The following CNTN4 variants were observed in gnomAD, a reference collection of about 807,000 sequenced individuals.
CNTN4 encodes contactin 4, also known as contactin-4.
In CNTN4, 77 loss-of-function variants were observed where a neutral mutation model predicts 122.5. The observed-to-expected ratio is 0.63, with a 90% CI of 0.52 to 0.76. CNTN4 has a LOEUF of 0.76. Ranked by LOEUF, CNTN4 falls within the 30% of genes least tolerant of loss-of-function variation. The pLI is 0.00. For synonymous variants in CNTN4, 512 were observed against 447.0 expected, an observed-to-expected ratio of 1.15 and a Z score of -1.83; for missense variants, 1,256 against 1,259.1, an observed-to-expected ratio of 1.00 and a Z score of 0.04.
At chr3:2,314,338 C>T (rs1000977520) in intron 2 of CNTN4, among the ~76,000 whole-genome samples, 8 of 151,646 alleles carry the variant, frequency 5.3e-5, no homozygotes, top group Admixed American at 1.3e-4. Context: ...AAGGGAGTTT[C>T]GAAAATAACT....
intron 12 of CNTN4, among the ~76,000 whole-genome samples, chr3:2,922,977 C>T (rs2094442956): frequency 6.6e-6 from 1 of 152,106 alleles, no homozygotes; most frequent in Admixed American, 6.5e-5. Flanking sequence ...ATAAGATATC[C>T]AAAAGATTAT....
intron 3 of CNTN4, among the ~76,000 whole-genome samples, chr3:2,504,900 C>G (rs181901557): frequency 3.9e-5 from 6 of 152,202 alleles, no homozygotes; most frequent in African/African-American, 1.2e-4. Context: ...GGGGACTGTT[C>G]TCTATAAAAG....
chr3:2,396,457 T>C (rs1369407678), intron 3 of CNTN4, among the ~76,000 whole-genome samples: 2 of 152,080 alleles, frequency 1.3e-5, no homozygotes, highest in Non-Finnish European at 2.9e-5. Context: ...CCCAAAGCAG[T>C]CCTCACATTG....
At chr3:2,843,595 C>T (rs549278772) in intron 7 of CNTN4, among the ~76,000 whole-genome samples, 8 of 152,246 alleles carry the variant, frequency 5.3e-5, no homozygotes, top group East Asian at 3.9e-4. Context: ...GGCTCAGTGC[C>T]GTCCTCACAA....
At chr3:2,545,980 C>T (rs1314611638) in intron 3 of CNTN4, among the ~76,000 whole-genome samples, 1 of 152,034 alleles carries the variant, frequency 6.6e-6, no homozygotes, top group African/African-American at 2.4e-5. Flanking sequence ...CATCTCACAC[C>T]ACTCAAAATA....
chr3:2,116,293 A>C (rs186094782), intron 2 of CNTN4, among the ~76,000 whole-genome samples: 1 of 152,264 alleles, frequency 6.6e-6, no homozygotes, highest in African/African-American at 2.4e-5. Flanking sequence ...ACATGTTATG[A>C]ATGTCACTCC....
intron 2 of CNTN4, chr3:2,262,222 A>G (rs904232147): frequency 1.3e-5 from 2 of 152,194 alleles, no homozygotes; most frequent in South Asian, 4.1e-4. Context: ...CTGTATCTCC[A>G]ACTGGACCAA....
At chr3:2,202,555 G>A (rs1235005893) in intron 2 of CNTN4, among the ~76,000 whole-genome samples, 1 of 152,068 alleles carries the variant, frequency 6.6e-6, no homozygotes, top group Non-Finnish European at 1.5e-5. Context: ...AAAGTCTCAA[G>A]GTGATGGATT....
chr3:2,848,386 G>T (rs1329062237), intron 7 of CNTN4, among the ~76,000 whole-genome samples: 1 of 152,210 alleles, frequency 6.6e-6, no homozygotes, highest in African/African-American at 2.4e-5. Context: ...CAAGGGGGTT[G>T]GTTTTGTTTT....
At chr3:2,300,623 G>A (rs1383209338) in intron 2 of CNTN4, among the ~76,000 whole-genome samples, 1 of 137,164 alleles carries the variant, frequency 7.3e-6, no homozygotes, top group Non-Finnish European at 1.5e-5. Flanking sequence ...CCAGGCTGGA[G>A]TGCAGTGGCA....
intron 8 of CNTN4, among the ~76,000 whole-genome samples, chr3:2,871,105 G>A (rs774859016): frequency 5.3e-5 from 8 of 152,118 alleles, no homozygotes; most frequent in Non-Finnish European, 7.3e-5. Context: ...TGAGGATCCC[G>A]AAGCCAAGCA....
intron 12 of CNTN4, among the ~76,000 whole-genome samples, chr3:2,905,314 A>G (rs1304236794): frequency 6.6e-6 from 1 of 152,246 alleles, no homozygotes; most frequent in Non-Finnish European, 1.5e-5. Flanking sequence ...ACAAATGTTT[A>G]TTTCTGATAG....
At chr3:2,462,709 T>C (rs139529673) in intron 3 of CNTN4, among the ~76,000 whole-genome samples, 5 of 152,338 alleles carry the variant, frequency 3.3e-5, no homozygotes, top group Non-Finnish European at 5.9e-5. Flanking sequence ...TTTCCAAGTA[T>C]AATTATCCAT....
chr3:2,371,702 A>G (rs1454700719), intron 3 of CNTN4, among the ~76,000 whole-genome samples: 1 of 152,134 alleles, frequency 6.6e-6, no homozygotes, highest in Non-Finnish European at 1.5e-5. Context: ...TTTTCATGTA[A>G]CATATATTTT....
At chr3:2,730,191 C>T (rs2149453326) in intron 4 of CNTN4, among the ~76,000 whole-genome samples, 1 of 152,226 alleles carries the variant, frequency 6.6e-6, no homozygotes, top group East Asian at 1.9e-4. Context: ...CAGGATGACA[C>T]CCAAGTCTAA....
chr3:2,609,863 T>C (rs74545362), intron 4 of CNTN4, among the ~76,000 whole-genome samples: 1 of 152,320 alleles, frequency 6.6e-6, no homozygotes, highest in East Asian at 1.9e-4. Context: ...CAACTTTATA[T>C]GTAGCACTTG....
At chr3:2,845,828 G>A (rs2150574140) in intron 7 of CNTN4, among the ~76,000 whole-genome samples, 1 of 152,284 alleles carries the variant, frequency 6.6e-6, no homozygotes, top group South Asian at 2.1e-4. Context: ...TAGCTTTGAT[G>A]CTACAATACC....
At chr3:2,616,771 T>C (rs1424219548) in intron 4 of CNTN4, among the ~76,000 whole-genome samples, 1 of 152,166 alleles carries the variant, frequency 6.6e-6, no homozygotes, top group African/African-American at 2.4e-5. Flanking sequence ...GAAAACAGCA[T>C]GGTACTGGTA....
At chr3:2,550,329 G>T (rs538210481) in intron 3 of CNTN4, among the ~76,000 whole-genome samples, 1 of 152,060 alleles carries the variant, frequency 6.6e-6, no homozygotes, top group Non-Finnish European at 1.5e-5. Flanking sequence ...CATTTATGCG[G>T]CCAACAAACA....
Sources: allele counts gnomAD v4.1 joint callset (sites outside exome capture counted in the v4.1 genomes callset), GRCh38; gene constraint gnomAD v4.1.1; transcripts MANE v1.5; gene names NCBI Gene and HGNC (gene_info 2026-07-23, HGNC 2026-07-21).